Variants in TET3 observed in about 807,000 individuals in gnomAD.
TET3 encodes the protein methylcytosine dioxygenase TET3.
Under a neutral mutation model 141.4 loss-of-function variants are expected in TET3, and 19 were observed. That is an observed-to-expected ratio of 0.13 (90% CI 0.09 to 0.20). The LOEUF (loss-of-function observed/expected upper bound fraction) is 0.20. Ranked by LOEUF, TET3 falls within the 10% of genes least tolerant of loss-of-function variation. The probability of loss-of-function intolerance (pLI) is 1.00; values close to 1 mark genes in which losing one functional copy is unlikely to be tolerated. For missense variants in TET3, 1,874 were observed against 2,356.9 expected, an observed-to-expected ratio of 0.80 and a Z score of 4.24; for synonymous variants, 1,043 against 980.9, an observed-to-expected ratio of 1.06 and a Z score of -1.18.
chr2:74,099,106 C>A (rs527969036), intron 10 of TET3, among the ~76,000 whole-genome samples, 170 bp from the exon 11 acceptor site: 1 of 152,172 alleles, frequency 6.6e-6, no homozygotes, highest in Non-Finnish European at 1.5e-5. Flanking sequence ...GATACTGTTG[C>A]CCCGTGAACC....
downstream of TET3, among the ~76,000 whole-genome samples, chr2:74,112,779 G>A (rs2104297594): frequency 6.6e-6 from 1 of 152,074 alleles, no homozygotes; most frequent in African/African-American, 2.4e-5. Flanking sequence ...GAGGTGGATG[G>A]ATCATGAGGT....
chr2:74,061,120 C>G (rs985410869), intron 4 of TET3, among the ~76,000 whole-genome samples: 4 of 149,986 alleles, frequency 2.7e-5, no homozygotes, highest in African/African-American at 9.8e-5. Flanking sequence ...ACCTACCGGA[C>G]GGGGCGGCCG....
In TET3 at chr2:73,985,083, G is replaced by A. The variant is rs1683931378; in HGVS notation, c.-499G>A. The A allele has an allele frequency of 6.9e-6, 1 of 145,614 alleles. No homozygotes were observed. Among genetic ancestry groups the A allele is most frequent in the Non-Finnish European group, 1.5e-5 (1 of 65,604 alleles). 9.0% of individuals were successfully genotyped at this position (145,614 alleles called of 1,614,324 possible). A position where few individuals can be genotyped will look rare whatever the true frequency, so the allele number is the denominator to read the frequency against. On this transcript the variant is annotated 5_prime_UTR_variant, in exon 1 of 12. Coordinates refer to ENST00000409262, the MANE Select transcript of TET3 (RefSeq NM_001287491.2). ...CCCAGGCGGCGGCGGCGGCGGCCGCGACGGTGGTGGCGGCGGCGGCGCGGG... is the reference window on the plus strand; with the variant it reads ...CCCAGGCGGCGGCGGCGGCGGCCGCAACGGTGGTGGCGGCGGCGGCGCGGG...
the TET3 span, among the ~76,000 whole-genome samples, chr2:74,124,330 G>A: frequency 2.7e-5 from 4 of 147,866 alleles, no homozygotes; most frequent in South Asian, 2.2e-4. Context: ...GCCCCTGCCC[G>A]GCCAGCCGCC....
chr2:73,988,681 G>T (rs1684167473), intron 2 of TET3, among the ~76,000 whole-genome samples: 1 of 152,182 alleles, frequency 6.6e-6, no homozygotes, highest in South Asian at 2.1e-4. Flanking sequence ...GTAAGGTGAG[G>T]CTGGACAGCC....
chr2:73,985,372 C>G (rs1484266125), intron 1 of TET3, among the ~76,000 whole-genome samples: 1 of 144,104 alleles, frequency 6.9e-6, no homozygotes, highest in African/African-American at 2.5e-5. Flanking sequence ...GCCGCCGGAG[C>G]GGAGTGGCGG....
intron 3 of TET3, among the ~76,000 whole-genome samples, chr2:74,045,568 CCTT>C (rs1687571280): frequency 6.6e-6 from 1 of 152,170 alleles, no homozygotes; most frequent in Non-Finnish European, 1.5e-5. Flanking sequence ...AGGCCTGAAT[CCTT>C]CTCTAAGCAG....
At chr2:74,085,545 T>C (rs906972086) in intron 6 of TET3, among the ~76,000 whole-genome samples, 2 of 152,248 alleles carry the variant, frequency 1.3e-5, no homozygotes, top group South Asian at 2.1e-4. Flanking sequence ...TCCCTAACTT[T>C]TTGGCACCAG....
At chr2:74,135,038 GCCT>G in the TET3 span, 1 of 244,950 alleles carries the variant, frequency 4.1e-6, no homozygotes, top group Non-Finnish European at 8.2e-6. Flanking sequence ...GGTGGGCTCT[GCCT>G]CCTACCAAGA....
At chr2:73,989,046 T>C (rs1684197711) in intron 2 of TET3, among the ~76,000 whole-genome samples, 1 of 143,302 alleles carries the variant, frequency 7.0e-6, no homozygotes, top group African/African-American at 2.7e-5. Flanking sequence ...AGAGAGTCAC[T>C]GTCTAGGGTA....
chr2:74,035,258 G>A (rs1231565599), intron 3 of TET3, among the ~76,000 whole-genome samples: 2 of 146,320 alleles, frequency 1.4e-5, no homozygotes, highest in Non-Finnish European at 3.0e-5. Context: ...GAGGTCAGGA[G>A]TTCAAAACCA....
At chr2:74,063,468 TG>T (rs1688706468) in intron 4 of TET3, among the ~76,000 whole-genome samples, 1 of 152,248 alleles carries the variant, frequency 6.6e-6, no homozygotes, top group South Asian at 2.1e-4. Context: ...CATTAGGGAT[TG>T]CAAACTGATG....
chr2:74,073,323 T>A (rs917193499), intron 4 of TET3, among the ~76,000 whole-genome samples: 1 of 152,204 alleles, frequency 6.6e-6, no homozygotes, highest in Admixed American at 6.5e-5. Context: ...TTTATCAGAT[T>A]TTTAAATTTT....
intron 3 of TET3, among the ~76,000 whole-genome samples, chr2:74,014,684 G>T (rs1452250214): frequency 1.3e-5 from 2 of 152,168 alleles, no homozygotes; most frequent in African/African-American, 4.8e-5. Context: ...AGCACCAGAA[G>T]AAATGAAGCT....
At chr2:73,992,007 G>A (rs1351601331) in intron 2 of TET3, among the ~76,000 whole-genome samples, 1 of 152,128 alleles carries the variant, frequency 6.6e-6, no homozygotes, top group Non-Finnish European at 1.5e-5. Context: ...AGAGTCAGGA[G>A]TGTGGTCTGA....
chr2:74,083,322 T>C (rs1289882151), intron 6 of TET3, among the ~76,000 whole-genome samples: 1 of 152,178 alleles, frequency 6.6e-6, no homozygotes, highest in Non-Finnish European at 1.5e-5. Context: ...ACTCCAGAGA[T>C]GCTGCCCATA....
chr2:74,094,367 G>T (rs1690683222), intron 10 of TET3, among the ~76,000 whole-genome samples: 1 of 152,174 alleles, frequency 6.6e-6, no homozygotes, highest in East Asian at 1.9e-4. Flanking sequence ...ACTGCAAGGG[G>T]CAGGGAGAGT....
chr2:74,014,436 G>A (rs1187414510), intron 3 of TET3, among the ~76,000 whole-genome samples: 1 of 152,122 alleles, frequency 6.6e-6, no homozygotes, highest in African/African-American at 2.4e-5. Flanking sequence ...CCCTGTGCAT[G>A]GCTTGGTGGC....
At chr2:74,122,677 CTTTTTT>C in the TET3 span, among the ~76,000 whole-genome samples, 5 of 42,386 alleles carry the variant, frequency 1.2e-4, no homozygotes, top group Non-Finnish European at 1.9e-4. Context: ...CTACACCTAG[CTTTTTT>C]TTTTTTTTTT....
Sources: allele counts gnomAD v4.1 joint callset (sites outside exome capture counted in the v4.1 genomes callset), GRCh38; gene constraint gnomAD v4.1.1; transcripts MANE v1.5; gene names NCBI Gene and HGNC (gene_info 2026-07-23, HGNC 2026-07-21).